DTNB: variants seen among roughly 807,000 people sequenced by gnomAD.
DTNB encodes the protein dystrobrevin beta.
A neutral mutation model predicts 90.7 loss-of-function variants in DTNB; 63 were observed. The observed-to-expected ratio is 0.69, with a 90% CI of 0.57 to 0.86. DTNB has a LOEUF of 0.86. DTNB is among the 40% of genes least tolerant of loss of function. The probability of loss-of-function intolerance (pLI) is 0.00; values close to 1 mark genes in which losing one functional copy is unlikely to be tolerated. For missense variants in DTNB, 744 were observed against 807.1 expected, an observed-to-expected ratio of 0.92 and a Z score of 0.95; for synonymous variants, 277 against 286.7, an observed-to-expected ratio of 0.97 and a Z score of 0.34.
chr2:25,518,185 T>C (rs905176996), intron 9 of DTNB, among the ~76,000 whole-genome samples: 2 of 145,782 alleles, frequency 1.4e-5, no homozygotes, highest in Non-Finnish European at 3.0e-5. Flanking sequence ...AGAATTAAGA[T>C]AGTTAATTTT....
At chr2:25,421,806 A>G (rs748099644) in intron 15 of DTNB, among the ~76,000 whole-genome samples, 2 of 152,208 alleles carry the variant, frequency 1.3e-5, no homozygotes, top group Non-Finnish European at 2.9e-5. Flanking sequence ...TCAGAAAGCA[A>G]TGTTTCATAC....
chr2:25,618,298 C>T (rs1053998420), intron 4 of DTNB, among the ~76,000 whole-genome samples: 3 of 152,178 alleles, frequency 2.0e-5, no homozygotes, highest in East Asian at 1.9e-4. Flanking sequence ...TGATACCGCC[C>T]GACTTTGTTC....
intron 9 of DTNB, among the ~76,000 whole-genome samples, chr2:25,495,702 T>C (rs2068690869): frequency 6.6e-6 from 1 of 152,218 alleles, no homozygotes; most frequent in African/African-American, 2.4e-5. Context: ...CGGGGTTCTA[T>C]GGTTATCTGC....
intron 8 of DTNB, among the ~76,000 whole-genome samples, chr2:25,561,307 A>G (rs2058231281): frequency 6.6e-6 from 1 of 151,592 alleles, no homozygotes; most frequent in East Asian, 1.9e-4. Flanking sequence ...AACCCTATCC[A>G]CTCTCTGCCT....
At chr2:25,494,151 G>A (rs1268025764) in intron 9 of DTNB, among the ~76,000 whole-genome samples, 1 of 152,126 alleles carries the variant, frequency 6.6e-6, no homozygotes, top group African/African-American at 2.4e-5. Flanking sequence ...AGGCCCCTCA[G>A]AAACATTACG....
chr2:25,577,007 T>C lies in DTNB; in HGVS notation c.710-3A>G, dbSNP rs751641407. 1 of 1,600,394 alleles carries C rather than the reference T, an allele frequency of 6.2e-7. No homozygotes were observed. The highest frequency in any genetic ancestry group is 1.7e-5 in the Admixed American group (1 of 57,808). Reference sequence around the variant, plus strand: ...GGAGCACTCCACGGGATGGAAGACTTGTGGACAGGAGAGAAAAGGGGAGAA... The same window carrying C: ...GGAGCACTCCACGGGATGGAAGACTCGTGGACAGGAGAGAAAAGGGGAGAA... On this transcript the variant is annotated splice_region_variant and splice_polypyrimidine_tract_variant and intron_variant, in intron 7 of 20. Transcript: ENST00000406818.
At chr2:25,394,658 G>A (rs1182330499) in intron 16 of DTNB, among the ~76,000 whole-genome samples, 2 of 152,072 alleles carry the variant, frequency 1.3e-5, no homozygotes, top group Non-Finnish European at 2.9e-5. Flanking sequence ...AATTATCAGG[G>A]AAATGCAAAT....
At chr2:25,532,240 T>C (rs1284280812) in intron 8 of DTNB, among the ~76,000 whole-genome samples, 2 of 128,766 alleles carry the variant, frequency 1.6e-5, no homozygotes, top group Non-Finnish European at 1.6e-5. Flanking sequence ...AGCAAAACTC[T>C]GTCTCAAAAA....
intron 12 of DTNB, among the ~76,000 whole-genome samples, chr2:25,442,246 T>C (rs2057577025): frequency 6.6e-6 from 1 of 152,266 alleles, no homozygotes; most frequent in Non-Finnish European, 1.5e-5. Flanking sequence ...ACTAAAATTA[T>C]TGCCTTGTGC....
At chr2:25,546,632 G>A (rs1256259118) in intron 8 of DTNB, among the ~76,000 whole-genome samples, 4 of 152,178 alleles carry the variant, frequency 2.6e-5, no homozygotes, top group Non-Finnish European at 5.9e-5. Flanking sequence ...ATAGACCCCT[G>A]GAACACCACA....
At chr2:25,664,755 T>C (rs1273426015) in intron 1 of DTNB, among the ~76,000 whole-genome samples, 1 of 152,124 alleles carries the variant, frequency 6.6e-6, no homozygotes, top group Non-Finnish European at 1.5e-5. Context: ...GTGTTAGAAG[T>C]AGAGAGGAAA....
intron 7 of DTNB, among the ~76,000 whole-genome samples, chr2:25,577,955 G>A (rs867236271): frequency 2.0e-4 from 31 of 151,974 alleles, no homozygotes; most frequent in Middle Eastern, 3.4e-3. Context: ...AGCCAAGATC[G>A]CACCATTGCA....
At chr2:25,644,512 T>C (rs932690431) in intron 2 of DTNB, among the ~76,000 whole-genome samples, 37 of 152,344 alleles carry the variant, frequency 2.4e-4, no homozygotes, top group African/African-American at 5.3e-4. Flanking sequence ...TCCCAGCACT[T>C]TGGGAGCCCA....
chr2:25,378,518 G>C (rs2036534305), intron 20 of DTNB, among the ~76,000 whole-genome samples: 1 of 151,012 alleles, frequency 6.6e-6, no homozygotes, highest in African/African-American at 2.4e-5. Flanking sequence ...GGATTGTGCA[G>C]CTAGGGCCCT....
rs1338088162 is a variant in DTNB, at chr2:25,596,071, T to C, written c.603+15A>G. ...AGCGCTCTTCTAGCCCTAGATTCTA[T>C]AAAACTGTCCTTACCTGCTGTGGAA... On this transcript the variant is annotated intron_variant, in intron 6 of 20. Transcript: ENST00000406818. The C allele has an allele frequency of 3.2e-6, 5 of 1,584,868 alleles. No homozygotes were observed. Among genetic ancestry groups the C allele is most frequent in the Admixed American group, 1.9e-5 (1 of 52,892 alleles).
chr2:25,447,358 T>A (rs1220627833), intron 12 of DTNB, among the ~76,000 whole-genome samples: 4 of 152,188 alleles, frequency 2.6e-5, no homozygotes, highest in Non-Finnish European at 5.9e-5. Flanking sequence ...CCTTGGTGAT[T>A]CTCAAACTAT....
chr2:25,513,463 C>T (rs1193357411), intron 9 of DTNB, among the ~76,000 whole-genome samples: 1 of 152,192 alleles, frequency 6.6e-6, no homozygotes. Flanking sequence ...TGGCTCACGC[C>T]TGTAATCCTA....
chr2:25,380,345 A>G (rs983547240), intron 19 of DTNB, among the ~76,000 whole-genome samples: 1 of 152,336 alleles, frequency 6.6e-6, no homozygotes, highest in Middle Eastern at 3.4e-3. Context: ...GCAGAGAATC[A>G]GGAGGTCCAC....
chr2:25,631,625 A>ATATT (rs2075783021), intron 3 of DTNB, among the ~76,000 whole-genome samples: 1 of 152,072 alleles, frequency 6.6e-6, no homozygotes, highest in African/African-American at 2.4e-5. Flanking sequence ...CAGGAACTTT[A>ATATT]TATTTATTTA....
Sources: gnomAD v4.1 joint callset for allele counts (sites outside exome capture counted in the v4.1 genomes callset) on GRCh38, gnomAD v4.1.1 for gene constraint, MANE v1.5 for transcripts, NCBI Gene and HGNC (gene_info 2026-07-23, HGNC 2026-07-21) for gene names.